Variants in MID2 observed in about 807,000 individuals in gnomAD.
The protein encoded by MID2 is midline 2.
Under a neutral mutation model 46.1 loss-of-function variants are expected in MID2, and 13 were observed. That is an observed-to-expected ratio of 0.28 (90% confidence interval 0.18 to 0.45). The LOEUF (loss-of-function observed/expected upper bound fraction) is 0.45. MID2 is among the 20% of genes least tolerant of loss of function. The pLI, the probability that MID2 is intolerant of heterozygous loss-of-function variation, is 1.00. For missense variants in MID2, 431 were observed against 575.4 expected (o/e 0.75, Z 2.57); for synonymous variants, 199 against 212.3 (o/e 0.94, Z 0.55).
chrX:107,853,620 T>A, intron 2 of MID2, among the ~76,000 whole-genome samples: 1 of 111,565 alleles, frequency 9.0e-6, no homozygotes, highest in South Asian at 3.8e-4. Context: ...CTTGATACAG[T>A]CAGGCTTTGC....
intron 3 of MID2, among the ~76,000 whole-genome samples, chrX:107,882,366 A>C (rs991490949): frequency 7.1e-5 from 8 of 111,929 alleles, no homozygotes; most frequent in African/African-American, 2.0e-4. Context: ...GGATCTAATT[A>C]AACTAAAGAG....
chrX:107,914,059 T>C (rs966604007), intron 5 of MID2, among the ~76,000 whole-genome samples: 2 of 112,186 alleles, frequency 1.8e-5, no homozygotes, highest in African/African-American at 6.5e-5. Context: ...AGATTTCCCT[T>C]AGCTCCCAAG....
At chrX:107,880,198 A>G (rs990477170) in intron 3 of MID2, among the ~76,000 whole-genome samples, 5 of 109,805 alleles carry the variant, frequency 4.6e-5, no homozygotes, top group Non-Finnish European at 9.5e-5. Flanking sequence ...GTGCAGTGAC[A>G]TGATCTCAAC....
chrX:107,827,184 T>G (rs1375747993), intron 1 of MID2, among the ~76,000 whole-genome samples: 6 of 112,350 alleles, frequency 5.3e-5, no homozygotes. Flanking sequence ...GCACTTCGTG[T>G]GTTGCACATT....
intron 3 of MID2, among the ~76,000 whole-genome samples, chrX:107,899,753 C>T (rs764947316): frequency 9.0e-6 from 1 of 111,259 alleles, no homozygotes; most frequent in East Asian, 2.8e-4. Flanking sequence ...TTTTTTTCCA[C>T]AGACATAAAG....
intron 3 of MID2, among the ~76,000 whole-genome samples, chrX:107,869,955 G>A (rs187846964): frequency 1.5e-3 from 162 of 110,893 alleles, no homozygotes; most frequent in African/African-American, 4.7e-3. Flanking sequence ...AAAACACTAT[G>A]GTGATATCAG....
chrX:107,832,539 C>T (rs1000018310), intron 1 of MID2, among the ~76,000 whole-genome samples: 6 of 111,016 alleles, frequency 5.4e-5, no homozygotes, highest in Non-Finnish European at 7.6e-5. Flanking sequence ...CACAATAGCC[C>T]GTGAGATGGG....
intron 3 of MID2, among the ~76,000 whole-genome samples, chrX:107,902,379 A>G (rs1158909673): frequency 1.8e-5 from 2 of 111,571 alleles, no homozygotes; most frequent in African/African-American, 3.3e-5. Flanking sequence ...GTAAGCAAGG[A>G]CCCAGAGAAA....
chrX:107,850,189 GACACACACACAC>G (rs201492124), intron 2 of MID2, among the ~76,000 whole-genome samples: 2 of 102,149 alleles, frequency 2.0e-5, no homozygotes, highest in African/African-American at 3.5e-5. Flanking sequence ...CACACACACA[GACACACACACAC>G]ACACACACAC....
At chrX:107,887,393 T>C (rs1175344350) in intron 3 of MID2, among the ~76,000 whole-genome samples, 3 of 112,253 alleles carry the variant, frequency 2.7e-5, no homozygotes, top group Non-Finnish European at 5.6e-5. Context: ...ATCTGGTTTT[T>C]GTCTTTGATT....
intron 3 of MID2, among the ~76,000 whole-genome samples, chrX:107,874,765 C>G: frequency 9.0e-6 from 1 of 111,341 alleles, no homozygotes; most frequent in Middle Eastern, 4.6e-3. Flanking sequence ...TCCTGTAATA[C>G]CTAAGAATCC....
chrX:107,888,289 G>A (rs1001355908), intron 3 of MID2, among the ~76,000 whole-genome samples: 3 of 111,965 alleles, frequency 2.7e-5, no homozygotes, highest in Non-Finnish European at 5.6e-5. Context: ...TCTACACACT[G>A]CTTTGAATGT....
At chrX:107,846,012 G>A (rs1931466411) in intron 2 of MID2, among the ~76,000 whole-genome samples, 2 of 111,888 alleles carry the variant, frequency 1.8e-5, no homozygotes. Context: ...ATGACTCTGT[G>A]TCTGTGTATG....
In MID2 at chrX:107,854,693, C is replaced by T. The variant is rs1413592005; in HGVS notation, c.805C>T (p.Gln269Ter). 8.3e-7 allele frequency: 1 copy of T among 1,203,797 alleles called. No individual in the cohort carries two copies. Among genetic ancestry groups the T allele is most frequent in the African/African-American group, 1.7e-5 (1 of 57,630 alleles). Residue 269 changes from glutamine (Q) to a stop codon, truncating the protein, a stop_gained, in exon 3 of 10, where the codon CAG (glutamine) becomes TAG (stop). Transcript: ENST00000262843. LOFTEE classifies it high-confidence loss of function. The part of the protein sequence containing the change: ...NQMAKLIQIC[Q>*]QVEVNTAMHE... ...AATGGCCAAACTAATACAGATCTGC[C>T]AGCAGGTTGAGGTATGTAACAGAAA...
At chrX:107,921,859 C>T (rs140910185) in intron 7 of MID2, among the ~76,000 whole-genome samples, 1 of 111,036 alleles carries the variant, frequency 9.0e-6, no homozygotes, top group Admixed American at 9.6e-5. Flanking sequence ...TCTGGCATAA[C>T]AAAATGTTCT....
At chrX:107,887,622 G>A (rs1932488873) in intron 3 of MID2, among the ~76,000 whole-genome samples, 1 of 111,606 alleles carries the variant, frequency 9.0e-6, no homozygotes, top group Admixed American at 9.5e-5. Context: ...TTGGTATCAG[G>A]ATGATGCTGG....
At chrX:107,833,070 T>C (rs935849554) in intron 1 of MID2, among the ~76,000 whole-genome samples, 4 of 112,163 alleles carry the variant, frequency 3.6e-5, no homozygotes, top group African/African-American at 9.7e-5. Context: ...ATTTTGTTTA[T>C]GTCCTGCTCC....
intron 3 of MID2, among the ~76,000 whole-genome samples, chrX:107,865,385 G>A (rs1569464865): frequency 1.8e-5 from 2 of 112,600 alleles, no homozygotes; most frequent in Non-Finnish European, 3.8e-5. Context: ...CACGTGCTAT[G>A]CATCTGTCTA....
intron 3 of MID2, among the ~76,000 whole-genome samples, chrX:107,883,197 G>A (rs184031008): frequency 9.0e-6 from 1 of 111,142 alleles, no homozygotes; most frequent in Admixed American, 9.6e-5. Flanking sequence ...ACTGGGGCCT[G>A]TCGGGGAGTG....
Sources: allele counts gnomAD v4.1 joint callset (sites outside exome capture counted in the v4.1 genomes callset), GRCh38; gene constraint gnomAD v4.1.1; transcripts MANE v1.5; gene names NCBI Gene and HGNC (gene_info 2026-07-23, HGNC 2026-07-21).